JAK1: variants seen among roughly 807,000 people sequenced by gnomAD.
The protein encoded by JAK1 is tyrosine-protein kinase JAK1.
Under a neutral mutation model 136.6 loss-of-function variants are expected in JAK1, and 16 were observed. The observed-to-expected ratio is 0.12, with a 90% CI of 0.08 to 0.18. The LOEUF (loss-of-function observed/expected upper bound fraction) is 0.18, where lower values mean the gene tolerates loss of function less well. JAK1 is among the 10% of genes least tolerant of loss of function. JAK1 has a pLI of 1.00. For missense variants in JAK1, 859 were observed against 1,450.1 expected, an observed-to-expected ratio of 0.59 and a Z score of 6.62; for synonymous variants, 492 against 519.5, an observed-to-expected ratio of 0.95 and a Z score of 0.72.
chr1:64,988,980 A>ATGTGTG (rs1557745463), intron 2 of JAK1, among the ~76,000 whole-genome samples: 4 of 122,036 alleles, frequency 3.3e-5, no homozygotes, highest in Admixed American at 9.6e-5. Flanking sequence ...ATATATATGT[A>ATGTGTG]TATGTGTGTG....
intron 2 of JAK1, among the ~76,000 whole-genome samples, chr1:65,013,916 A>C (rs1557758299): frequency 6.6e-6 from 1 of 152,222 alleles, no homozygotes; most frequent in African/African-American, 2.4e-5. Flanking sequence ...ATGAGCTTGA[A>C]AATATCTTCA....
rs572789868 is a variant in JAK1, at chr1:64,888,724, A to G, written c.-77-2383T>C. 4.6e-5 allele frequency among the ~76,000 whole-genome samples: 7 copies of G among 152,374 alleles called. No individual in the cohort carries two copies. The South Asian group carries it at 1.2e-3, about 27-fold the overall frequency. ...ATACCTAATCTTCAAACTGACCTCCAGTATTATTGAACACAACAGTAAAAT... is the reference window on the plus strand; with the variant it reads ...ATACCTAATCTTCAAACTGACCTCCGGTATTATTGAACACAACAGTAAAAT... On this transcript the variant is annotated intron_variant, in intron 1 of 24. Transcript: ENST00000342505.
chr1:64,976,650 T>C (rs1382339617), intron 2 of JAK1, among the ~76,000 whole-genome samples: 1 of 152,242 alleles, frequency 6.6e-6, no homozygotes, highest in Non-Finnish European at 1.5e-5. Context: ...CTCTCAACAG[T>C]GTATTCTTAA....
rs138211331 is a variant in JAK1 at position 64,959,230 on chromosome 1, T to C, written c.-78+7103A>G. 4.5e-4 allele frequency among the ~76,000 whole-genome samples: 68 copies of C among 152,214 alleles called. 1 individual carries two copies. In the East Asian group the frequency reaches 0.012, roughly 28 times the overall value. On this transcript the variant is annotated intron_variant, in intron 1 of 24. Coordinates refer to ENST00000342505, the MANE Select transcript of JAK1 (RefSeq NM_002227.4). Reference sequence around the variant, plus strand: ...CCAAGAAACCAGTCCAACATATACATCACCAAGAAGGAAATACATTTAAAA... The same window carrying C: ...CCAAGAAACCAGTCCAACATATACACCACCAAGAAGGAAATACATTTAAAA...
chr1:65,046,803 G>C (rs1204047810), intron 1 of JAK1, among the ~76,000 whole-genome samples: 1 of 150,972 alleles, frequency 6.6e-6, no homozygotes, highest in African/African-American at 2.4e-5. Context: ...ACTCGCCTCA[G>C]TCTCCCAAAG....
At chr1:65,048,120 A>G (rs990580724) in intron 1 of JAK1, among the ~76,000 whole-genome samples, 70 of 152,342 alleles carry the variant, frequency 4.6e-4, no homozygotes, top group African/African-American at 1.4e-3. Context: ...GAAAAGAATC[A>G]ATGAAAATGT....
chr1:64,845,099 C>T (rs1172179028), intron 15 of JAK1, among the ~76,000 whole-genome samples: 1 of 152,142 alleles, frequency 6.6e-6, no homozygotes, highest in African/African-American at 2.4e-5. Context: ...AATAGTGGCA[C>T]GTATCTCATT....
chr1:65,047,664 C>A (rs548412807), intron 1 of JAK1, among the ~76,000 whole-genome samples: 17 of 151,490 alleles, frequency 1.1e-4, no homozygotes, highest in African/African-American at 2.7e-4. Flanking sequence ...GCTTGCAGTG[C>A]GCCGAGATCA....
chr1:64,878,800 T>G (rs1644722967), intron 4 of JAK1, among the ~76,000 whole-genome samples: 2 of 152,122 alleles, frequency 1.3e-5, no homozygotes, highest in African/African-American at 2.4e-5. Flanking sequence ...TCCTCTGCCT[T>G]ATCAAGATTT....
chr1:64,927,253 C>T (rs1645598593), intron 1 of JAK1, among the ~76,000 whole-genome samples: 2 of 152,154 alleles, frequency 1.3e-5, no homozygotes, highest in South Asian at 4.1e-4. Context: ...TTTAGCACAT[C>T]CTTGTTTCTT....
chr1:65,067,482 G>C (rs1648113784), intron 1 of JAK1: 1 of 146,866 alleles, frequency 6.8e-6, no homozygotes, highest in Admixed American at 6.8e-5. Flanking sequence ...CGCGCACTCG[G>C]ACGTCCACAC....
In JAK1 at chr1:65,064,106, T is replaced by G. The variant is rs1262380310; in HGVS notation, c.-181+3498A>C. ...CACTTACATATCCCAATTCTAAATT[T>G]TCATCAAAATACTTAATTTGCGTTT... is the stretch of plus-strand genomic sequence containing the variant. On this transcript the variant is annotated intron_variant, in intron 1 of 25. Transcript: ENST00000671954. 2.0e-5 allele frequency among the ~76,000 whole-genome samples: 3 copies of G among 152,226 alleles called. No homozygotes were observed. In the East Asian group the frequency reaches 5.8e-4, roughly 29 times the overall value.
chr1:65,051,078 T>G (rs1047461291), intron 1 of JAK1, among the ~76,000 whole-genome samples: 13 of 152,206 alleles, frequency 8.5e-5, no homozygotes, highest in African/African-American at 3.1e-4. Context: ...TACTTAAAAT[T>G]CTACCTGTAA....
intron 1 of JAK1, among the ~76,000 whole-genome samples, chr1:64,904,354 G>A (rs1371716251): frequency 6.6e-6 from 1 of 152,196 alleles, no homozygotes. Context: ...TCTGTGCAAT[G>A]ATAGTAACTG....
chr1:65,057,019 A>G (rs1647576461), intron 1 of JAK1, among the ~76,000 whole-genome samples: 1 of 151,356 alleles, frequency 6.6e-6, no homozygotes, highest in South Asian at 2.1e-4. Context: ...GCCTAACCTC[A>G]GCCATCTCTG....
At chr1:64,845,729 A>T in intron 14 of JAK1, 89 bp from the exon 15 acceptor site, 3 of 1,485,724 alleles carry the variant, frequency 2.0e-6, no homozygotes, top group South Asian at 1.1e-5. Flanking sequence ...TTCAGTGGAC[A>T]CTACTCGGCC....
intron 19 of JAK1, 30 bp from the exon 20 acceptor site, chr1:64,839,825 A>G (rs1022121096): frequency 1.9e-6 from 3 of 1,565,922 alleles, no homozygotes; most frequent in Non-Finnish European, 2.6e-6. Flanking sequence ...TGCTGTTATC[A>G]GGGAAGCCCC....
chr1:64,959,121 A>G (rs750577702), intron 1 of JAK1, among the ~76,000 whole-genome samples: 15 of 152,234 alleles, frequency 9.9e-5, no homozygotes, highest in Non-Finnish European at 1.6e-4. Context: ...TTTGCTGTCA[A>G]AGCATATGGG....
chr1:65,028,114 T>C (rs1646993287), intron 2 of JAK1, among the ~76,000 whole-genome samples: 1 of 152,178 alleles, frequency 6.6e-6, no homozygotes. Flanking sequence ...GTTTCTTGTC[T>C]GAAATATTTC....
Sources: allele counts gnomAD v4.1 joint callset (sites outside exome capture counted in the v4.1 genomes callset), GRCh38; gene constraint gnomAD v4.1.1; transcripts MANE v1.5; gene names NCBI Gene and HGNC (gene_info 2026-07-23, HGNC 2026-07-21).